The following UBE2E2 variants were observed in gnomAD, a reference collection of about 807,000 sequenced individuals.
The protein encoded by UBE2E2 is ubiquitin-conjugating enzyme E2 E2.
In UBE2E2, 6 loss-of-function variants were observed where a neutral mutation model predicts 24.7. The ratio of observed to expected loss-of-function variants is 0.24; its 90% CI spans 0.13 to 0.48. The LOEUF (loss-of-function observed/expected upper bound fraction) is 0.48. UBE2E2 is among the 20% of genes least tolerant of loss of function. The pLI is 0.99. For missense variants in UBE2E2, 169 were observed against 245.0 expected, an observed-to-expected ratio of 0.69 and a Z score of 2.07; for synonymous variants, 104 against 83.6, an observed-to-expected ratio of 1.24 and a Z score of -1.33.
At chr3:23,432,947 CTTGA>C (rs1399043499) in intron 3 of UBE2E2, among the ~76,000 whole-genome samples, 1 of 151,700 alleles carries the variant, frequency 6.6e-6, no homozygotes, top group African/African-American at 2.4e-5. Context: ...TAGAAAGATT[CTTGA>C]TTATGATGCA....
In UBE2E2 at chr3:23,589,726, C is replaced by G. The variant is rs759444711; in HGVS notation, c.509-8C>G. The G allele has an allele frequency of 6.2e-7, 1 of 1,613,902 alleles. No homozygotes were observed. The highest frequency in any genetic ancestry group is 1.3e-5 in the African/African-American group (1 of 75,038). On this transcript the variant is annotated splice_region_variant and splice_polypyrimidine_tract_variant and intron_variant, in intron 5 of 5. Transcript: ENST00000396703. The surrounding 1 kb of genome is among the most constrained non-coding windows in gnomAD (Gnocchi z 4.1). The stretch of plus-strand genomic sequence containing the variant: ...ATTTACTGACTCCCAACTCTGCTTT[C>G]CTTGCAGCTGACCCTCTGGTGGGCA...
intron 5 of UBE2E2, among the ~76,000 whole-genome samples, chr3:23,556,199 C>T (rs1379329135): frequency 7.9e-6 from 1 of 125,900 alleles, no homozygotes; most frequent in Non-Finnish European, 1.6e-5. Context: ...GACTGGAGTG[C>T]AGTGGTGCGA....
chr3:23,392,508 AC>A (rs1178604757), intron 3 of UBE2E2, among the ~76,000 whole-genome samples: 72 of 152,260 alleles, frequency 4.7e-4, no homozygotes, highest in African/African-American at 1.7e-3. Context: ...TTAAAAAAAA[AC>A]AAAACAGGAA....
At chr3:23,224,919 G>A (rs1310040302) in intron 3 of UBE2E2, among the ~76,000 whole-genome samples, 1 of 150,490 alleles carries the variant, frequency 6.6e-6, no homozygotes, top group African/African-American at 2.4e-5. Context: ...GTGTATGAGG[G>A]CCCAGTTTTT....
At chr3:23,533,846 C>T (rs1386318638) in intron 5 of UBE2E2, among the ~76,000 whole-genome samples, 1 of 152,062 alleles carries the variant, frequency 6.6e-6, no homozygotes. Flanking sequence ...AGGTCTCGAA[C>T]TCCTGACCTT....
intron 2 of UBE2E2, among the ~76,000 whole-genome samples, chr3:23,214,082 G>T (rs889175482): frequency 1.1e-4 from 16 of 152,122 alleles, no homozygotes; most frequent in African/African-American, 3.9e-4. Flanking sequence ...TCTGTCAAGA[G>T]ACATACAACC....
intron 3 of UBE2E2, among the ~76,000 whole-genome samples, chr3:23,250,702 ACTTC>A (rs1446259688): frequency 5.3e-5 from 8 of 152,248 alleles, no homozygotes; most frequent in African/African-American, 1.9e-4. Flanking sequence ...GATATGGCAT[ACTTC>A]CTTCTATCAG....
intron 3 of UBE2E2, among the ~76,000 whole-genome samples, chr3:23,428,367 A>G (rs145857833): frequency 6.6e-6 from 1 of 152,340 alleles, no homozygotes; most frequent in East Asian, 1.9e-4. Context: ...AACACAGCCT[A>G]TCAGAATTTG....
intron 3 of UBE2E2, among the ~76,000 whole-genome samples, chr3:23,385,312 G>A (rs1032408021): frequency 6.6e-5 from 10 of 152,164 alleles, no homozygotes; most frequent in African/African-American, 1.9e-4. Context: ...TTACAAAAAT[G>A]ATTGTTTCTT....
chr3:23,532,635 A>G lies in UBE2E2; in HGVS notation c.442A>G (p.Ser148Gly). The G allele has an allele frequency of 6.3e-7, 1 of 1,578,656 alleles. No homozygotes were observed. Among genetic ancestry groups the G allele is most frequent in the Non-Finnish European group, 8.7e-7 (1 of 1,155,376 alleles). ...ICLDILKDNW[S>G]PALTISKVLL... ...TCTGGACATCTTAAAGGACAACTGG[A>G]GTCCGGCTTTAACTATTTCTAAAGT... The change falls in exon 5 of 6, where the codon AGT becomes GGT. Residue 148 changes from serine (S) to glycine (G), a missense_variant. This residue lies in a region of UBE2E2 where 105 missense variants were observed against 180.7 expected (regional missense o/e 0.58). Transcript: ENST00000396703.
intron 3 of UBE2E2, chr3:23,271,240 C>G: frequency 2.8e-6 from 1 of 353,920 alleles, no homozygotes; most frequent in Non-Finnish European, 5.5e-6. Context: ...TGTTACAGTT[C>G]TTAAAGATGG....
chr3:23,547,341 C>T (rs1015421438), intron 5 of UBE2E2, among the ~76,000 whole-genome samples: 1 of 152,178 alleles, frequency 6.6e-6, no homozygotes, highest in Non-Finnish European at 1.5e-5. Context: ...GTCTTTTCCA[C>T]CATTTAAAAT....
chr3:23,427,018 T>C (rs536733848), intron 3 of UBE2E2, among the ~76,000 whole-genome samples: 69 of 152,242 alleles, frequency 4.5e-4, no homozygotes, highest in African/African-American at 1.6e-3. Flanking sequence ...TATTAAGTAC[T>C]TGTGTTACCT....
At chr3:23,578,517 T>C (rs1696397309) in intron 5 of UBE2E2, among the ~76,000 whole-genome samples, 1 of 152,148 alleles carries the variant, frequency 6.6e-6, no homozygotes, top group African/African-American at 2.4e-5. Flanking sequence ...AGCAAAGACA[T>C]GGAATCAACC....
chr3:23,476,208 C>T (rs1052618179), intron 3 of UBE2E2, among the ~76,000 whole-genome samples: 1 of 152,030 alleles, frequency 6.6e-6, no homozygotes, highest in African/African-American at 2.4e-5. Flanking sequence ...GGATTCATAC[C>T]TGTCTCTGAG....
intron 3 of UBE2E2, among the ~76,000 whole-genome samples, chr3:23,305,516 A>C (rs1699217059): frequency 6.6e-6 from 1 of 152,204 alleles, no homozygotes. Flanking sequence ...TTTTTGCATC[A>C]GCAGTATAAA....
intron 3 of UBE2E2, among the ~76,000 whole-genome samples, chr3:23,334,218 A>G (rs1695144564): frequency 6.6e-6 from 1 of 152,062 alleles, no homozygotes; most frequent in Admixed American, 6.6e-5. Context: ...GTCTGTACTG[A>G]TTTTTCTTTT....
At position 23,485,091 on chromosome 3, in the gene UBE2E2, C is replaced by CT. The variant is rs71620781; in HGVS notation, c.228-14496dup. 5.3e-3 allele frequency among the ~76,000 whole-genome samples: 576 copies of CT among 107,702 alleles called. 7 individuals carry two copies. The highest frequency in any genetic ancestry group is 6.9e-3 in the East Asian group (27 of 3,898). 70.7% of individuals were successfully genotyped at this position (107,702 alleles called of 152,430 possible). A position where few individuals can be genotyped will look rare whatever the true frequency, so the allele number is the denominator to read the frequency against. On this transcript the variant is annotated intron_variant, in intron 3 of 5. Transcript: ENST00000396703. ...TTTAAGTGAGTCCACTTAACACTAC[C>CT]TTTTTTTTTTTTTTTTTTTTTGAGA...
intron 4 of UBE2E2, 83 bp downstream of exon 4, chr3:23,499,823 G>A: frequency 2.1e-6 from 3 of 1,429,716 alleles, no homozygotes; most frequent in South Asian, 1.5e-5. Flanking sequence ...ATGCATTCTA[G>A]GGATGCATGT....
Sources: gnomAD v4.1 joint callset for allele counts (sites outside exome capture counted in the v4.1 genomes callset) on GRCh38, gnomAD v4.1.1 for gene constraint, gnomAD v4.1.1 regional missense constraint, Gnocchi (gnomAD v3.1) non-coding constraint, MANE v1.5 for transcripts, NCBI Gene and HGNC (gene_info 2026-07-23, HGNC 2026-07-21) for gene names.